The following CTPS2 variants were observed in gnomAD, a reference collection of about 807,000 sequenced individuals.
CTPS2 encodes CTP synthase 2.
A neutral mutation model predicts 46.8 loss-of-function variants in CTPS2; 19 were observed. The observed-to-expected ratio is 0.41, with a 90% confidence interval of 0.28 to 0.60. The LOEUF (loss-of-function observed/expected upper bound fraction) is 0.60, where lower values mean the gene tolerates loss of function less well. Among genes scored for constraint, CTPS2 ranks in the 20% least tolerant of loss-of-function variants. The probability of loss-of-function intolerance (pLI) is 0.35; values close to 1 mark genes in which losing one functional copy is unlikely to be tolerated. For synonymous variants in CTPS2, 151 were observed against 165.2 expected, an observed-to-expected ratio of 0.91 and a Z score of 0.66; for missense variants, 286 against 447.6, an observed-to-expected ratio of 0.64 and a Z score of 3.26.
chrX:16,600,887 T>C (rs1043768200), intron 17 of CTPS2, among the ~76,000 whole-genome samples: 3 of 112,004 alleles, frequency 2.7e-5, no homozygotes, highest in African/African-American at 9.7e-5. Context: ...AAGTGGCATT[T>C]TGATAGCAGT....
At chrX:16,684,950 G>C (rs1032271331) in intron 8 of CTPS2, among the ~76,000 whole-genome samples, 3 of 111,377 alleles carry the variant, frequency 2.7e-5, no homozygotes, top group African/African-American at 9.8e-5. Context: ...AATTAGGCTG[G>C]CATGGTGGTG....
intron 13 of CTPS2, among the ~76,000 whole-genome samples, chrX:16,667,042 T>C (rs139765207): frequency 0.013 from 1,396 of 110,505 alleles, 21 homozygotes; most frequent in African/African-American, 0.043. Flanking sequence ...GCTGAGAAGA[T>C]GGACTATCAA....
At chrX:16,654,521 A>G (rs1189416703) in intron 13 of CTPS2, 1 of 1,053,919 alleles carries the variant, frequency 9.5e-7, no homozygotes, top group African/African-American at 1.8e-5. Flanking sequence ...GGAGAAAACA[A>G]AATAGAACCC....
At chrX:16,644,567 G>A (rs896241341) in intron 13 of CTPS2, among the ~76,000 whole-genome samples, 1 of 111,767 alleles carries the variant, frequency 8.9e-6, no homozygotes, top group East Asian at 2.8e-4. Flanking sequence ...ACAAAGCAGA[G>A]ATCAGAGAGA....
Position 16,702,836 on chromosome X carries a change from T to C in CTPS2, c.67A>G (p.Ile23Val), listed in dbSNP as rs1569238969. ...GIGKGIIASS[I>V]GTILKSCGLR... Reference sequence around the variant, plus strand: ...CCACATGATTTTAGAATCGTTCCAATGCTGCTGGCAATGATCCCTTTACCA... The same window carrying C: ...CCACATGATTTTAGAATCGTTCCAACGCTGCTGGCAATGATCCCTTTACCA... Residue 23 changes from isoleucine to valine, a missense_variant, in exon 2 of 19, where the codon ATT becomes GTT. By Grantham distance (29) the Ile-to-Val change is conservative. Transcript: ENST00000359276. 8.3e-7 allele frequency: 1 copy of C among 1,210,433 alleles called. No homozygotes were observed. Among genetic ancestry groups the C allele is most frequent in the Non-Finnish European group, 1.1e-6 (1 of 894,686 alleles).
rs983572598 is a variant in CTPS2 at position 16,678,939 on chromosome X, G to C, written c.1006-489C>G. Among the ~76,000 whole-genome samples, 3 of 111,237 alleles carry C rather than the reference G, an allele frequency of 2.7e-5. No homozygotes were observed. In the Admixed American group the frequency reaches 2.9e-4, roughly 11 times the overall value. ...CACTGGAGGAAAGACAGGAAGGATT[G>C]ACGTCAAGGAAGAGCTCTGGGGAGG... On this transcript the variant is annotated intron_variant, in intron 9 of 18. Transcript: ENST00000359276.
chrX:16,661,023 G>A (rs181114325), intron 13 of CTPS2, among the ~76,000 whole-genome samples: 17 of 107,500 alleles, frequency 1.6e-4, no homozygotes, highest in African/African-American at 3.1e-4. Context: ...GCAATGGCGC[G>A]ATCTTGGCTC....
chrX:16,652,947 G>C (rs185358960), intron 13 of CTPS2, among the ~76,000 whole-genome samples: 26 of 111,482 alleles, frequency 2.3e-4, no homozygotes, highest in African/African-American at 8.1e-4. Context: ...TTAAAGCAAA[G>C]TGCTAAGTGT....
intron 1 of CTPS2, among the ~76,000 whole-genome samples, chrX:16,704,326 T>TA (rs922045269): frequency 1.0e-4 from 11 of 109,800 alleles, no homozygotes; most frequent in South Asian, 7.6e-4. Context: ...AATTTGGTGT[T>TA]AAAAAAAAAT....
intron 16 of CTPS2, among the ~76,000 whole-genome samples, chrX:16,611,355 A>G (rs1930249072): frequency 9.1e-6 from 1 of 109,768 alleles, no homozygotes; most frequent in African/African-American, 3.3e-5. Context: ...GGAGGCTGAG[A>G]TGGGAGGATC....
At chrX:16,652,919 T>C (rs1273204249) in intron 13 of CTPS2, among the ~76,000 whole-genome samples, 1 of 111,699 alleles carries the variant, frequency 9.0e-6, no homozygotes, top group African/African-American at 3.2e-5. Flanking sequence ...ATAAGTAACT[T>C]ACAGTTTGGT....
intron 17 of CTPS2, among the ~76,000 whole-genome samples, chrX:16,596,811 C>T (rs193185244): frequency 0.036 from 3,822 of 106,363 alleles, 203 homozygotes; most frequent in African/African-American, 0.13. Context: ...GTCCCACCAA[C>T]GGTGTAAAAG....
At chrX:16,696,927 A>G (rs1924160186) in intron 4 of CTPS2, among the ~76,000 whole-genome samples, 2 of 110,795 alleles carry the variant, frequency 1.8e-5, no homozygotes, top group Non-Finnish European at 3.8e-5. Flanking sequence ...TTATAATATT[A>G]TATTATTACA....
At chrX:16,700,584 TA>T (rs983060265) in intron 2 of CTPS2, among the ~76,000 whole-genome samples, 5 of 106,652 alleles carry the variant, frequency 4.7e-5, no homozygotes, top group African/African-American at 1.0e-4. Flanking sequence ...AAAAAATCAT[TA>T]AAAAAAAATC....
intron 17 of CTPS2, among the ~76,000 whole-genome samples, chrX:16,604,601 C>A (rs890067779): frequency 9.5e-6 from 1 of 105,475 alleles, no homozygotes; most frequent in African/African-American, 3.5e-5. Context: ...CCAAGGTGGG[C>A]GGATTGCTTG....
At chrX:16,624,176 T>C (rs1237270333) in intron 14 of CTPS2, among the ~76,000 whole-genome samples, 2 of 111,392 alleles carry the variant, frequency 1.8e-5, no homozygotes, top group African/African-American at 6.5e-5. Context: ...ATACAACAGA[T>C]ACGATATACA....
intron 13 of CTPS2, among the ~76,000 whole-genome samples, chrX:16,646,024 G>A (rs771322010): frequency 1.5e-4 from 17 of 112,699 alleles, no homozygotes; most frequent in Non-Finnish European, 2.6e-4. Context: ...AAATTAGCCA[G>A]TCTCAGGTAC....
intron 13 of CTPS2, among the ~76,000 whole-genome samples, chrX:16,644,876 C>T (rs1932239638): frequency 8.8e-6 from 1 of 113,025 alleles, no homozygotes; most frequent in African/African-American, 3.2e-5. Flanking sequence ...TAAGTGTAGG[C>T]TCATCAAGCA....
chrX:16,670,932 A>C (rs1477760830), intron 10 of CTPS2, among the ~76,000 whole-genome samples: 2 of 111,997 alleles, frequency 1.8e-5, no homozygotes, highest in East Asian at 5.6e-4. Context: ...GAGCATACTA[A>C]CTGAGAAACC....
Sources: gnomAD v4.1 joint callset for allele counts (sites outside exome capture counted in the v4.1 genomes callset) on GRCh38, gnomAD v4.1.1 for gene constraint, MANE v1.5 for transcripts, NCBI Gene and HGNC (gene_info 2026-07-23, HGNC 2026-07-21) for gene names.